PEX5L: variants seen among roughly 807,000 people sequenced by gnomAD.
PEX5L encodes PEX5-related protein.
A neutral mutation model predicts 84.0 loss-of-function variants in PEX5L; 30 were observed. The observed-to-expected ratio is 0.36, with a 90% CI of 0.27 to 0.48. PEX5L has a LOEUF of 0.48. Ranked by LOEUF, PEX5L falls within the 20% of genes least tolerant of loss-of-function variation. The probability of loss-of-function intolerance (pLI) is 0.99; values close to 1 mark genes in which losing one functional copy is unlikely to be tolerated. For synonymous variants in PEX5L, 270 were observed against 283.1 expected (o/e 0.95, Z 0.46); for missense variants, 533 against 754.6 (o/e 0.71, Z 3.44).
At position 179,838,262 on chromosome 3, in the gene PEX5L, A is replaced by T. The variant is rs3774234; in HGVS notation, c.823-18286T>A. Among the ~76,000 whole-genome samples the T allele has an allele frequency of 2.6e-3, 389 of 152,290 alleles. 2 individuals carry two copies. In the East Asian group the frequency reaches 0.028, roughly 11 times the overall value. ...ACAATTTGAGAAAAGGAAATTAAAAACAGGTAAAAATCAGAGATATCATGT... is the reference window on the plus strand; with the variant it reads ...ACAATTTGAGAAAAGGAAATTAAAATCAGGTAAAAATCAGAGATATCATGT... On this transcript the variant is annotated intron_variant, in intron 8 of 14. Coordinates refer to ENST00000467460, the MANE Select transcript of PEX5L (RefSeq NM_016559.3).
intron 8 of PEX5L, among the ~76,000 whole-genome samples, chr3:179,841,587 G>A (rs2109366097): frequency 6.6e-6 from 1 of 152,284 alleles, no homozygotes; most frequent in Non-Finnish European, 1.5e-5. Context: ...CTAACATAGG[G>A]TCTGATAGAC....
In PEX5L at chr3:179,876,335, T is replaced by TA. The variant is rs199838508; in HGVS notation, c.506-859dup. The stretch of plus-strand genomic sequence containing the variant: ...ATGGTGAAACCCTGTTTCTACTAAA[T>TA]AAAAAAAAAAAATGAATGGGGTGTG... On this transcript the variant is annotated intron_variant, in intron 5 of 14. Coordinates refer to ENST00000467460, the MANE Select transcript of PEX5L (RefSeq NM_016559.3). 2.7e-3 allele frequency among the ~76,000 whole-genome samples: 384 copies of TA among 141,844 alleles called. 2 individuals are homozygous for TA. The highest frequency in any genetic ancestry group is 3.0e-3 in the Non-Finnish European group (196 of 64,446). The allele number at this position is 141,844 out of a possible 152,430, so 93.1% of individuals were successfully genotyped here. A position where few individuals can be genotyped will look rare whatever the true frequency, so the allele number is the denominator to read the frequency against.
At chr3:179,925,331 C>A (rs1771118362) in intron 2 of PEX5L, among the ~76,000 whole-genome samples, 1 of 150,000 alleles carries the variant, frequency 6.7e-6, no homozygotes, top group Non-Finnish European at 1.5e-5. Flanking sequence ...GTCCATCATG[C>A]CCTATCCATA....
chr3:179,825,340 A>G (rs1730037177), intron 8 of PEX5L, among the ~76,000 whole-genome samples: 1 of 152,254 alleles, frequency 6.6e-6, no homozygotes, highest in African/African-American at 2.4e-5. Context: ...CCTCAACCTT[A>G]GAAGTCTTCA....
intron 7 of PEX5L, among the ~76,000 whole-genome samples, chr3:179,865,085 T>C (rs1218323819): frequency 6.6e-6 from 1 of 152,172 alleles, no homozygotes; most frequent in Non-Finnish European, 1.5e-5. Flanking sequence ...CAAAGGGCAC[T>C]GGAAGAAGAG....
chr3:179,913,595 T>A (rs1765924332), intron 2 of PEX5L, among the ~76,000 whole-genome samples: 1 of 152,140 alleles, frequency 6.6e-6, no homozygotes, highest in African/African-American at 2.4e-5. Flanking sequence ...AAAGTGAAAA[T>A]AAAGATGTTT....
At chr3:180,016,866 T>A (rs1180734928) in intron 1 of PEX5L, among the ~76,000 whole-genome samples, 3 of 152,236 alleles carry the variant, frequency 2.0e-5, no homozygotes, top group Admixed American at 2.0e-4. Context: ...GATCATTTGC[T>A]TTGTCAATAA....
chr3:179,832,790 A>T (rs1478376828), intron 8 of PEX5L, among the ~76,000 whole-genome samples: 1 of 142,734 alleles, frequency 7.0e-6, no homozygotes, highest in East Asian at 2.2e-4. Context: ...CCGCCCATCT[A>T]CTCATCTATC....
At chr3:179,891,481 A>G (rs1757602996) in intron 3 of PEX5L, among the ~76,000 whole-genome samples, 1 of 152,170 alleles carries the variant, frequency 6.6e-6, no homozygotes, top group Admixed American at 6.6e-5. Flanking sequence ...GGAGATACGG[A>G]AGATGAAACA....
At position 179,819,991 on chromosome 3, in the gene PEX5L, A is replaced by C; in HGVS notation, c.823-15T>G. ...TCTGTATCTGACTGGGAGACAGGAA[A>C]AATGAATGGAGATGGATTTAAGAAC... On this transcript the variant is annotated splice_polypyrimidine_tract_variant and intron_variant, in intron 8 of 14. Transcript: ENST00000467460. 1 of 1,613,416 alleles carries C rather than the reference A, an allele frequency of 6.2e-7. No homozygotes were observed. The highest frequency in any genetic ancestry group is 1.1e-5 in the South Asian group (1 of 91,060).
rs989274616 is a variant in PEX5L, at chr3:179,801,096, G to A, written c.*732C>T. 10 of 152,706 alleles carry A rather than the reference G, an allele frequency of 6.5e-5. No individual in the cohort carries two copies. The highest frequency in any genetic ancestry group is 1.9e-4 in the East Asian group (1 of 5,188). 9.5% of individuals were successfully genotyped at this position (152,706 alleles called of 1,614,324 possible). A position where few individuals can be genotyped will look rare whatever the true frequency, so the allele number is the denominator to read the frequency against. On this transcript the variant is annotated 3_prime_UTR_variant, in exon 15 of 15. Coordinates refer to ENST00000467460, the MANE Select transcript of PEX5L (RefSeq NM_016559.3). Reference sequence around the variant, plus strand: ...TCTTCAGGAATTGTTTATTTGGTCCGTTGATCTAGTGAGGCTGAGTTCTTA... The same window carrying A: ...TCTTCAGGAATTGTTTATTTGGTCCATTGATCTAGTGAGGCTGAGTTCTTA...
At chr3:179,926,860 C>T (rs1771608389) in intron 2 of PEX5L, among the ~76,000 whole-genome samples, 1 of 152,144 alleles carries the variant, frequency 6.6e-6, no homozygotes, top group Non-Finnish European at 1.5e-5. Context: ...GGCTTCAACT[C>T]ATAGAAATGG....
chr3:180,020,364 T>C (rs1486057091), intron 1 of PEX5L, among the ~76,000 whole-genome samples: 1 of 152,028 alleles, frequency 6.6e-6, no homozygotes, highest in African/African-American at 2.4e-5. Flanking sequence ...AAATCTAATT[T>C]TACACATATA....
intron 9 of PEX5L, among the ~76,000 whole-genome samples, chr3:179,818,091 G>A (rs811652): frequency 0.024 from 3,586 of 152,120 alleles, 70 homozygotes; most frequent in Middle Eastern, 0.092. Context: ...TACTAAAATC[G>A]GAGACTATTC....
intron 1 of PEX5L, among the ~76,000 whole-genome samples, chr3:180,020,358 C>G (rs931354105): frequency 6.6e-6 from 1 of 151,902 alleles, no homozygotes. Flanking sequence ...CCAATAAAAT[C>G]TAATTTTACA....
intron 2 of PEX5L, among the ~76,000 whole-genome samples, chr3:179,924,698 A>G (rs939308475): frequency 4.6e-5 from 7 of 152,130 alleles, no homozygotes; most frequent in African/African-American, 1.7e-4. Context: ...CCATGATCCT[A>G]ATAATCTCTT....
intron 7 of PEX5L, among the ~76,000 whole-genome samples, chr3:179,866,043 A>C (rs557961741): frequency 6.6e-6 from 1 of 152,284 alleles, no homozygotes; most frequent in East Asian, 1.9e-4. Context: ...GGTTTAACTT[A>C]ATTGGATTGT....
chr3:179,875,217 G>A lies in PEX5L; in HGVS notation c.629+137C>T, dbSNP rs1277104143. ...AATGAAATAATTTGAGTTGGTAGAA[G>A]CCACAATAATTGGTATTGTTATATA... On this transcript the variant is annotated intron_variant, in intron 6 of 14. Coordinates refer to ENST00000467460, the MANE Select transcript of PEX5L (RefSeq NM_016559.3). 5.6e-6 allele frequency: 4 copies of A among 718,362 alleles called. No homozygotes were observed. The Admixed American group carries it at 7.6e-5, about 14-fold the overall frequency. 44.5% of individuals were successfully genotyped at this position (718,362 alleles called of 1,614,324 possible). A position where few individuals can be genotyped will look rare whatever the true frequency, so the allele number is the denominator to read the frequency against.
chr3:179,920,295 G>A (rs141714781), intron 2 of PEX5L, among the ~76,000 whole-genome samples: 2 of 152,258 alleles, frequency 1.3e-5, no homozygotes, highest in East Asian at 3.9e-4. Flanking sequence ...TCTTTTTAGA[G>A]GGAAATATAC....
Sources: gnomAD v4.1 joint callset for allele counts (sites outside exome capture counted in the v4.1 genomes callset) on GRCh38, gnomAD v4.1.1 for gene constraint, MANE v1.5 for transcripts, NCBI Gene and HGNC (gene_info 2026-07-23, HGNC 2026-07-21) for gene names.